NOL4L: variants seen among roughly 807,000 people sequenced by gnomAD.
The protein encoded by NOL4L is nucleolar protein 4-like.
A neutral mutation model predicts 64.5 loss-of-function variants in NOL4L; 7 were observed. That is an observed-to-expected ratio of 0.11 (90% CI 0.06 to 0.20). The LOEUF is 0.20. Among genes scored for constraint, NOL4L ranks in the 10% least tolerant of loss-of-function variants. NOL4L has a pLI of 1.00. For missense variants in NOL4L, 680 were observed against 967.1 expected (o/e 0.70, Z 3.94); for synonymous variants, 413 against 401.0 (o/e 1.03, Z -0.36).
chr20:32,546,343 G>A (rs1600863425), intron 1 of NOL4L, among the ~76,000 whole-genome samples: 1 of 152,106 alleles, frequency 6.6e-6, no homozygotes, highest in East Asian at 1.9e-4. Flanking sequence ...CCGCCTCCTA[G>A]GTTCAAGTGA....
chr20:32,555,268 A>G (rs1978575620), intron 1 of NOL4L, among the ~76,000 whole-genome samples: 1 of 151,926 alleles, frequency 6.6e-6, no homozygotes, highest in African/African-American at 2.4e-5. Context: ...TGAAGTCCTG[A>G]CCCCTGTTAA....
Position 32,494,252 on chromosome 20 carries a change from G to GAAA in NOL4L, c.699+17094_699+17095insTTT, listed in dbSNP as rs1568654908. Among the ~76,000 whole-genome samples, 16 of 27,092 alleles carry GAAA rather than the reference G, an allele frequency of 5.9e-4. 2 individuals carry two copies. Among genetic ancestry groups the GAAA allele is most frequent in the African/African-American group, 2.3e-3 (15 of 6,482 alleles). 17.8% of individuals were successfully genotyped at this position (27,092 alleles called of 152,430 possible). ...TGGGCCACAGAGTGAGATAATCTCG[G>GAAA]GAAAAAAAAAAAAAAAAAAAAAAAA... On this transcript the variant is annotated intron_variant, in intron 4 of 10. Transcript: ENST00000621426.
At chr20:32,568,017 T>C (rs922054178) in intron 1 of NOL4L, among the ~76,000 whole-genome samples, 5 of 151,324 alleles carry the variant, frequency 3.3e-5, no homozygotes, top group African/African-American at 4.9e-5. Flanking sequence ...ACCATCATCA[T>C]CACCACCATC....
intron 5 of NOL4L, among the ~76,000 whole-genome samples, chr20:32,457,679 C>A (rs938163575): frequency 6.6e-6 from 1 of 152,290 alleles, no homozygotes; most frequent in East Asian, 1.9e-4. Flanking sequence ...GTGCACCCCT[C>A]CCCCTCGGCT....
intron 5 of NOL4L, among the ~76,000 whole-genome samples, chr20:32,471,757 A>G (rs2145477129): frequency 6.6e-6 from 1 of 152,144 alleles, no homozygotes; most frequent in Admixed American, 6.5e-5. Context: ...GTATGGAGTG[A>G]GTTCTCACTA....
At chr20:32,483,289 A>T (rs2015863460) in intron 4 of NOL4L, 1 of 891,544 alleles carries the variant, frequency 1.1e-6, no homozygotes, top group Admixed American at 6.2e-5. Context: ...CGGCGGCAGC[A>T]GCCGGAGAAG....
At chr20:32,552,986 C>A (rs2145606399) in intron 1 of NOL4L, among the ~76,000 whole-genome samples, 1 of 152,294 alleles carries the variant, frequency 6.6e-6, no homozygotes, top group Middle Eastern at 3.4e-3. Flanking sequence ...AGAGGATGAG[C>A]TTGGTTGGTG....
In NOL4L at chr20:32,445,156, C is replaced by T. The variant is rs1260388826; in HGVS notation, c.*2440G>A. On this transcript the variant is annotated 3_prime_UTR_variant, in exon 11 of 11. Coordinates refer to ENST00000621426, the MANE Select transcript of NOL4L (RefSeq NM_001256798.2). ...AATGGACTTTAACAACATATTCTTT[C>T]CTTTCTCTTGAAAACACATTGAACC... 1.3e-5 allele frequency: 2 copies of T among 152,238 alleles called. No individual in the cohort carries two copies. The highest frequency in any genetic ancestry group is 2.9e-5 in the Non-Finnish European group (2 of 68,044). 9.4% of individuals were successfully genotyped at this position (152,238 alleles called of 1,614,324 possible). A position where few individuals can be genotyped will look rare whatever the true frequency, so the allele number is the denominator to read the frequency against.
At position 32,456,388 on chromosome 20, in the gene NOL4L, G is replaced by A. The variant is rs73246513; in HGVS notation, c.849C>T (p.Ser283=). ...QNLHSQEDDD[S]SSESGSGNGS... Reference sequence around the variant, plus strand: ...CATTGCCGCTGCCACTCTCAGAGGAGGAGTCATCTGGAATGAGAGGCCTGG... The same window carrying A: ...CATTGCCGCTGCCACTCTCAGAGGAAGAGTCATCTGGAATGAGAGGCCTGG... The change falls in exon 6 of 11, where the codon TCC becomes TCT. Residue 283 remains serine, a synonymous_variant. Transcript: ENST00000621426. The A allele has an allele frequency of 1.5e-3, 2,169 of 1,466,708 alleles. 29 individuals carry two copies. The African/African-American group carries it at 0.028, about 19-fold the overall frequency. 90.9% of individuals were successfully genotyped at this position (1,466,708 alleles called of 1,614,324 possible). A position where few individuals can be genotyped will look rare whatever the true frequency, so the allele number is the denominator to read the frequency against.
chr20:32,498,488 C>T (rs2016784143), intron 4 of NOL4L, among the ~76,000 whole-genome samples: 1 of 151,604 alleles, frequency 6.6e-6, no homozygotes, highest in African/African-American at 2.4e-5. Context: ...TTTCACAGGG[C>T]ATGGTGGCTC....
chr20:32,449,435 A>T (rs993666819), intron 10 of NOL4L, among the ~76,000 whole-genome samples: 1 of 152,244 alleles, frequency 6.6e-6, no homozygotes, highest in Non-Finnish European at 1.5e-5. Flanking sequence ...TGGAAACCTG[A>T]CTGCTGCTAA....
At chr20:32,577,563 G>C (rs1980195744) in intron 1 of NOL4L, among the ~76,000 whole-genome samples, 1 of 152,192 alleles carries the variant, frequency 6.6e-6, no homozygotes, top group South Asian at 2.1e-4. Context: ...ATGACTTCTG[G>C]TGCCAGGTGC....
chr20:32,554,253 A>G (rs910654876), intron 1 of NOL4L, among the ~76,000 whole-genome samples: 1 of 148,448 alleles, frequency 6.7e-6, no homozygotes, highest in Non-Finnish European at 1.5e-5. Context: ...CCCGGAAGGC[A>G]GAGCTTGCAG....
chr20:32,583,034 C>CT (rs1980584508), intron 1 of NOL4L, among the ~76,000 whole-genome samples: 1 of 152,130 alleles, frequency 6.6e-6, no homozygotes, highest in African/African-American at 2.4e-5. Flanking sequence ...GGCTGGGTCA[C>CT]TGCCCCAGCT....
intron 1 of NOL4L, among the ~76,000 whole-genome samples, chr20:32,583,227 G>A (rs1451474855): frequency 1.3e-5 from 2 of 151,546 alleles, no homozygotes; most frequent in Non-Finnish European, 2.9e-5. Flanking sequence ...CTGCAGCCCC[G>A]TCCCCTGGGC....
intron 5 of NOL4L, among the ~76,000 whole-genome samples, chr20:32,468,385 C>T (rs1004030116): frequency 3.3e-5 from 5 of 152,118 alleles, no homozygotes; most frequent in African/African-American, 1.2e-4. Flanking sequence ...CGGGCACCTC[C>T]TCCCTTCCCA....
rs78338737 is a variant in NOL4L at position 32,526,600 on chromosome 20, G to A, written c.477+1158C>T. ...GCTATTTATACAAAGAACTTGGGGTGGGAAGTTTCACATCTGCCTTGGGTG... is the reference window on the plus strand; with the variant it reads ...GCTATTTATACAAAGAACTTGGGGTAGGAAGTTTCACATCTGCCTTGGGTG... On this transcript the variant is annotated intron_variant, in intron 2 of 10. Coordinates refer to ENST00000621426, the MANE Select transcript of NOL4L (RefSeq NM_001256798.2). 4.3e-3 allele frequency among the ~76,000 whole-genome samples: 650 copies of A among 152,208 alleles called. 4 individuals carry two copies. Among genetic ancestry groups the A allele is most frequent in the Non-Finnish European group, 6.8e-3 (462 of 68,008 alleles).
intron 4 of NOL4L, among the ~76,000 whole-genome samples, chr20:32,488,528 A>G (rs2016192983): frequency 6.6e-6 from 1 of 152,118 alleles, no homozygotes; most frequent in African/African-American, 2.4e-5. Flanking sequence ...ACACTAGTTT[A>G]CTCTGCCACC....
intron 5 of NOL4L, chr20:32,465,274 A>C (rs2014444275): frequency 2.4e-6 from 1 of 421,816 alleles, no homozygotes; most frequent in East Asian, 3.6e-5. Flanking sequence ...GGGGGAAGTC[A>C]CCGACCCATC....
Sources: allele counts gnomAD v4.1 joint callset (sites outside exome capture counted in the v4.1 genomes callset), GRCh38; gene constraint gnomAD v4.1.1; transcripts MANE v1.5; gene names NCBI Gene and HGNC (gene_info 2026-07-23, HGNC 2026-07-21).